DENND6A: variants seen among roughly 807,000 people sequenced by gnomAD.
DENND6A encodes the protein DENN domain containing 6A.
DENND6A carries 43 observed loss-of-function variants against 95.5 expected under a neutral mutation model. That is an observed-to-expected ratio of 0.45 (90% CI 0.35 to 0.58). DENND6A has a LOEUF of 0.58. Among genes scored for constraint, DENND6A ranks in the 20% least tolerant of loss-of-function variants. DENND6A has a pLI of 0.00. For synonymous variants in DENND6A, 257 were observed against 260.4 expected (o/e 0.99, Z 0.13); for missense variants, 574 against 736.0 (o/e 0.78, Z 2.55).
chr3:57,653,736 A>C, intron 9 of DENND6A, among the ~76,000 whole-genome samples: 1 of 137,966 alleles, frequency 7.2e-6, no homozygotes, highest in Admixed American at 7.4e-5. Flanking sequence ...ACAGAGCGAG[A>C]CTCCATCTAA....
chr3:57,650,296 C>CA (rs1460071550), intron 9 of DENND6A, among the ~76,000 whole-genome samples: 3 of 148,740 alleles, frequency 2.0e-5, no homozygotes, highest in East Asian at 2.0e-4. Flanking sequence ...TTGAAATAAA[C>CA]AAAAAACCTA....
chr3:57,641,359 T>C (rs1010257336), intron 12 of DENND6A, among the ~76,000 whole-genome samples: 9 of 145,416 alleles, frequency 6.2e-5, no homozygotes, highest in African/African-American at 2.2e-4. Context: ...ATATATTTAA[T>C]ATATATAAAG....
chr3:57,691,556 G>A (rs1368129195), intron 1 of DENND6A, among the ~76,000 whole-genome samples: 1 of 151,264 alleles, frequency 6.6e-6, no homozygotes, highest in Non-Finnish European at 1.5e-5. Context: ...ACATCCAGAA[G>A]GCAGGCCGAA....
chr3:57,652,848 T>C (rs986251582), intron 9 of DENND6A, among the ~76,000 whole-genome samples: 1 of 152,078 alleles, frequency 6.6e-6, no homozygotes, highest in African/African-American at 2.4e-5. Flanking sequence ...CTGCAAAATA[T>C]CAGGATCATG....
At chr3:57,632,729 C>A (rs2070713809) in intron 15 of DENND6A, among the ~76,000 whole-genome samples, 1 of 152,134 alleles carries the variant, frequency 6.6e-6, no homozygotes, top group African/African-American at 2.4e-5. Context: ...AATATGACAT[C>A]CTTCTGAATT....
At chr3:57,685,743 A>ATTTT (rs1559833692) in intron 1 of DENND6A, among the ~76,000 whole-genome samples, 11 of 151,908 alleles carry the variant, frequency 7.2e-5, no homozygotes, top group African/African-American at 2.4e-4. Flanking sequence ...TTTTTTAAAA[A>ATTTT]AAAATTTGTT....
intron 16 of DENND6A, 41 bp downstream of exon 16, chr3:57,630,884 T>C (rs1575810342): frequency 6.2e-7 from 1 of 1,610,814 alleles, no homozygotes; most frequent in Non-Finnish European, 8.5e-7. Context: ...CAGAAGTTAA[T>C]TACAGTTAGA....
intron 11 of DENND6A, among the ~76,000 whole-genome samples, chr3:57,644,614 T>C (rs2071027009): frequency 7.0e-6 from 1 of 143,008 alleles, no homozygotes; most frequent in East Asian, 2.1e-4. Context: ...GGCTGGTGAT[T>C]AAAATATTTT....
chr3:57,641,616 T>C (rs1176235091), intron 12 of DENND6A, 37 bp downstream of exon 12: 1 of 1,563,444 alleles, frequency 6.4e-7, no homozygotes, highest in South Asian at 1.2e-5. Context: ...TCAGCAACAC[T>C]GCACACTAGA....
At chr3:57,664,616 T>C (rs537356300) in intron 4 of DENND6A, among the ~76,000 whole-genome samples, 1 of 152,062 alleles carries the variant, frequency 6.6e-6, no homozygotes, top group Non-Finnish European at 1.5e-5. Flanking sequence ...GGGCGGATCA[T>C]GAGGTCAGGA....
chr3:57,629,069 T>G (rs1007142358), intron 18 of DENND6A, among the ~76,000 whole-genome samples, 184 bp from the exon 19 acceptor site: 3 of 152,252 alleles, frequency 2.0e-5, no homozygotes, highest in Non-Finnish European at 4.4e-5. Flanking sequence ...TTAGATAATT[T>G]TCTGCATTAG....
chr3:57,675,868 T>G (rs147114726), intron 1 of DENND6A, among the ~76,000 whole-genome samples: 49 of 152,338 alleles, frequency 3.2e-4, no homozygotes, highest in African/African-American at 1.2e-3. Context: ...GCATCTTGTG[T>G]GCATTGGTAG....
At position 57,640,123 on chromosome 3, in the gene DENND6A, G is replaced by A. The variant is rs927272932; in HGVS notation, c.1132+1530C>T. Reference sequence around the variant, plus strand: ...GTCTCTACTAAAAATACAAAAATTAGCCAGGCGTGGTGGTGGGCGCCTGTA... The same window carrying A: ...GTCTCTACTAAAAATACAAAAATTAACCAGGCGTGGTGGTGGGCGCCTGTA... On this transcript the variant is annotated intron_variant, in intron 12 of 19. Coordinates refer to ENST00000311128, the MANE Select transcript of DENND6A (RefSeq NM_152678.3). Among the ~76,000 whole-genome samples the A allele has an allele frequency of 2.0e-5, 3 of 151,816 alleles. No homozygotes were observed. The South Asian group carries it at 6.3e-4, about 32-fold the overall frequency.
chr3:57,628,147 G>A lies in DENND6A; in HGVS notation c.*67C>T, dbSNP rs996400717. ...TGCCACTGAGAGATCTCCTTTGTGC[G>A]TCTGGTTGAAATGTCAGTATGCTTC... On this transcript the variant is annotated 3_prime_UTR_variant, in exon 20 of 20. Transcript: ENST00000311128. The A allele has an allele frequency of 2.6e-5, 40 of 1,558,746 alleles. No individual in the cohort carries two copies. The highest frequency in any genetic ancestry group is 1.5e-4 in the South Asian group (12 of 82,106).
intron 1 of DENND6A, among the ~76,000 whole-genome samples, chr3:57,691,260 T>C (rs763042480): frequency 3.7e-4 from 56 of 152,332 alleles, no homozygotes; most frequent in Admixed American, 1.5e-3. Flanking sequence ...AAATGGCTTA[T>C]AAATCTCTTA....
intron 1 of DENND6A, among the ~76,000 whole-genome samples, chr3:57,674,629 C>A (rs923341326): frequency 6.6e-6 from 1 of 152,154 alleles, no homozygotes; most frequent in Non-Finnish European, 1.5e-5. Context: ...CAGAGCAAGA[C>A]TCTTATCTCA....
intron 1 of DENND6A, among the ~76,000 whole-genome samples, chr3:57,686,391 T>C (rs1165037469): frequency 6.6e-6 from 1 of 152,228 alleles, no homozygotes; most frequent in East Asian, 1.9e-4. Context: ...CAGTAAATGC[T>C]TGTTGCCTTC....
chr3:57,685,787 T>G (rs1255830621), intron 1 of DENND6A, among the ~76,000 whole-genome samples: 2 of 152,216 alleles, frequency 1.3e-5, no homozygotes, highest in African/African-American at 4.8e-5. Context: ...AGAATCATTC[T>G]ATGTTCATTC....
intron 1 of DENND6A, among the ~76,000 whole-genome samples, chr3:57,676,048 G>A (rs1236506948): frequency 1.3e-5 from 2 of 151,926 alleles, no homozygotes; most frequent in Non-Finnish European, 2.9e-5. Context: ...ACTCCAGCCT[G>A]GATGACAGGG....
Sources: gnomAD v4.1 joint callset for allele counts (sites outside exome capture counted in the v4.1 genomes callset) on GRCh38, gnomAD v4.1.1 for gene constraint, MANE v1.5 for transcripts, NCBI Gene and HGNC (gene_info 2026-07-23, HGNC 2026-07-21) for gene names.